Variants in EXOC2 observed in about 807,000 individuals in gnomAD.
EXOC2 encodes SEC5-like 1.
In EXOC2, 70 loss-of-function variants were observed where a neutral mutation model predicts 131.8. That is an observed-to-expected ratio of 0.53 (90% CI 0.44 to 0.65). EXOC2 has a LOEUF of 0.65. Among genes scored for constraint, EXOC2 ranks in the 30% least tolerant of loss-of-function variants. The probability of loss-of-function intolerance (pLI) is 0.00; values close to 1 mark genes in which losing one functional copy is unlikely to be tolerated. For missense variants in EXOC2, 923 were observed against 1,108.6 expected (o/e 0.83, Z 2.38); for synonymous variants, 411 against 398.4 (o/e 1.03, Z -0.38).
At chr6:582,652 G>A (rs180766901) in intron 11 of EXOC2, among the ~76,000 whole-genome samples, 3,350 of 151,888 alleles carry the variant, frequency 0.022, 49 homozygotes, top group Non-Finnish European at 0.035. Flanking sequence ...TGCGGTGGGC[G>A]TATCAAGGCA....
chr6:599,993 G>A (rs1048302018), intron 7 of EXOC2, among the ~76,000 whole-genome samples: 6 of 152,022 alleles, frequency 3.9e-5, no homozygotes, highest in Non-Finnish European at 5.9e-5. Context: ...ATTCCACAAC[G>A]AAAGGAGAGA....
chr6:665,311 G>C (rs1561990928), intron 1 of EXOC2, among the ~76,000 whole-genome samples: 1 of 151,400 alleles, frequency 6.6e-6, no homozygotes, highest in Non-Finnish European at 1.5e-5. Flanking sequence ...GCGGTGAACA[G>C]GGAACACTTC....
At chr6:542,906 G>A (rs991414812) in intron 22 of EXOC2, among the ~76,000 whole-genome samples, 3 of 152,190 alleles carry the variant, frequency 2.0e-5, no homozygotes, top group Non-Finnish European at 4.4e-5. Flanking sequence ...GCCAGCCTAC[G>A]GAGCTTAGCT....
At chr6:523,353 C>G (rs1765578351) in intron 23 of EXOC2, among the ~76,000 whole-genome samples, 1 of 152,230 alleles carries the variant, frequency 6.6e-6, no homozygotes, top group Admixed American at 6.5e-5. Context: ...CTCCTACGCA[C>G]AGAACTGTCG....
intron 12 of EXOC2, among the ~76,000 whole-genome samples, chr6:573,351 CCCTT>C: frequency 6.6e-6 from 1 of 152,282 alleles, no homozygotes; most frequent in Non-Finnish European, 1.5e-5. Context: ...TCCTCTGTCT[CCCTT>C]CTTTCTTTTC....
Position 592,453 on chromosome 6 carries a change from G to A in EXOC2, c.1192+16C>T, listed in dbSNP as rs2127628409. The A allele has an allele frequency of 6.3e-7, 1 of 1,599,930 alleles. No homozygotes were observed. Among genetic ancestry groups the A allele is most frequent in the East Asian group, 2.2e-5 (1 of 44,688 alleles). ...CATGAAGGAATCACACAACACATTG[G>A]AAGAGAAATCCTTGCCTTTCAGATC... is the stretch of plus-strand genomic sequence containing the variant. On this transcript the variant is annotated intron_variant, in intron 11 of 27. Transcript: ENST00000230449.
chr6:503,843 C>T (rs1441196101), intron 23 of EXOC2, among the ~76,000 whole-genome samples: 1 of 152,154 alleles, frequency 6.6e-6, no homozygotes, highest in African/African-American at 2.4e-5. Flanking sequence ...GAGAGACCAG[C>T]CGAGTAGCAC....
Position 663,877 on chromosome 6 carries a change from C to A in EXOC2, c.-43-26016G>T, listed in dbSNP as rs143442391. Reference sequence around the variant, plus strand: ...AAAGCATTCCCTCTGAGAACGGGAACAAGACAAGGATGCCCACTCTCACCA... The same window carrying A: ...AAAGCATTCCCTCTGAGAACGGGAAAAAGACAAGGATGCCCACTCTCACCA... On this transcript the variant is annotated intron_variant, in intron 1 of 27. Coordinates refer to ENST00000230449, the MANE Select transcript of EXOC2 (RefSeq NM_018303.6). Among the ~76,000 whole-genome samples the A allele has an allele frequency of 5.3e-3, 814 of 152,292 alleles. 2 individuals carry two copies. Among genetic ancestry groups the A allele is most frequent in the African/African-American group, 6.7e-3 (278 of 41,570 alleles).
intron 1 of EXOC2, among the ~76,000 whole-genome samples, chr6:691,200 A>G (rs1456523063): frequency 1.3e-5 from 2 of 152,228 alleles, no homozygotes; most frequent in South Asian, 2.1e-4. Context: ...TTCATTTCCC[A>G]TATGATTCTT....
intron 23 of EXOC2, among the ~76,000 whole-genome samples, chr6:500,079 C>T (rs539820618): frequency 5.3e-5 from 8 of 151,788 alleles, no homozygotes; most frequent in South Asian, 2.1e-4. Context: ...AAAACATATA[C>T]GGTAAAACAT....
rs139730511 is a variant in EXOC2, at chr6:497,481, G to A, written c.2445C>T (p.Thr815=). 8.7e-6 allele frequency: 14 copies of A among 1,609,584 alleles called. No individual in the cohort carries two copies. In the South Asian group the frequency reaches 1.1e-4, roughly 13 times the overall value. The change falls in exon 25 of 28, where the codon ACC becomes ACT. Residue 815 remains threonine (T), a synonymous_variant. Coordinates refer to ENST00000230449, the MANE Select transcript of EXOC2 (RefSeq NM_018303.6). ...NIIAVHAEVF[T]ISKELVPRVL... ...CCCGAGGGACCAGTTCTTTGGAAAT[G>A]GTGAACACCTGGTTTGAAATAGGAA...
chr6:536,588 C>T (rs1321701528), intron 22 of EXOC2, among the ~76,000 whole-genome samples: 1 of 151,902 alleles, frequency 6.6e-6, no homozygotes, highest in Non-Finnish European at 1.5e-5. Flanking sequence ...CTAAAATAGC[C>T]CAAACAATTT....
intron 11 of EXOC2, among the ~76,000 whole-genome samples, chr6:587,490 A>C (rs909622925): frequency 1.3e-5 from 2 of 152,150 alleles, no homozygotes; most frequent in Non-Finnish European, 2.9e-5. Context: ...ATGGTCCGCC[A>C]GCCTCAGCCT....
At chr6:647,502 T>G (rs1762627340) in intron 1 of EXOC2, among the ~76,000 whole-genome samples, 1 of 147,288 alleles carries the variant, frequency 6.8e-6, no homozygotes, top group African/African-American at 2.5e-5. Context: ...AGCACACACC[T>G]GATGAGTTGT....
chr6:651,946 C>T (rs1762851559), intron 1 of EXOC2, among the ~76,000 whole-genome samples: 1 of 151,636 alleles, frequency 6.6e-6, no homozygotes, highest in Non-Finnish European at 1.5e-5. Flanking sequence ...ATCCCAGCTA[C>T]TCAGGAGACT....
intron 6 of EXOC2, among the ~76,000 whole-genome samples, chr6:610,487 T>C (rs566108862): frequency 6.6e-6 from 1 of 152,266 alleles, no homozygotes; most frequent in East Asian, 1.9e-4. Flanking sequence ...AGGTTGAGTA[T>C]CTCCAATCCG....
intron 23 of EXOC2, among the ~76,000 whole-genome samples, chr6:512,274 GT>G (rs1270785183): frequency 6.6e-6 from 1 of 152,206 alleles, no homozygotes; most frequent in Admixed American, 6.5e-5. Context: ...CCATAGGTGG[GT>G]TTTCTCATGC....
chr6:527,929 T>C (rs961939079), intron 23 of EXOC2, among the ~76,000 whole-genome samples: 39 of 152,160 alleles, frequency 2.6e-4, no homozygotes, highest in African/African-American at 9.2e-4. Flanking sequence ...ATTTAATGTT[T>C]CAAAGACGTG....
At chr6:559,235 G>A (rs1209683868) in intron 17 of EXOC2, among the ~76,000 whole-genome samples, 1 of 152,200 alleles carries the variant, frequency 6.6e-6, no homozygotes, top group East Asian at 1.9e-4. Flanking sequence ...TCTGAGCTCT[G>A]AAGCAAAGCT....
Sources: allele counts gnomAD v4.1 joint callset (sites outside exome capture counted in the v4.1 genomes callset), GRCh38; gene constraint gnomAD v4.1.1; transcripts MANE v1.5; gene names NCBI Gene and HGNC (gene_info 2026-07-23, HGNC 2026-07-21).